Variants in DYNC2H1 observed in about 807,000 individuals in gnomAD.
DYNC2H1 encodes cytoplasmic dynein 2 heavy chain 1.
DYNC2H1 carries 410 observed loss-of-function variants against 570.0 expected under a neutral mutation model. That is an observed-to-expected ratio of 0.72 (90% CI 0.66 to 0.78). The LOEUF is 0.78. Among genes scored for constraint, DYNC2H1 ranks in the 30% least tolerant of loss-of-function variants. The pLI is 0.00. For missense variants in DYNC2H1, 4,865 were observed against 5,046.4 expected, an observed-to-expected ratio of 0.96 and a Z score of 1.09; for synonymous variants, 1,688 against 1,677.6, an observed-to-expected ratio of 1.01 and a Z score of -0.15.
rs113268045 is a variant in DYNC2H1, at chr11:103,471,101, C to T, written c.12765+2396C>T. Among the ~76,000 whole-genome samples the T allele has an allele frequency of 5.3e-3, 808 of 152,194 alleles. 9 individuals carry two copies. The highest frequency in any genetic ancestry group is 0.032 in the East Asian group (163 of 5,170). On this transcript the variant is annotated intron_variant, in intron 88 of 88. Transcript: ENST00000375735. ...TGTTGTTTCCTGACTTTTTAATGAT[C>T]GCCATTCTAACTGGTGTGAGATGGT... is the stretch of plus-strand genomic sequence containing the variant.
intron 59 of DYNC2H1, among the ~76,000 whole-genome samples, chr11:103,224,762 A>G (rs1294246484): frequency 6.6e-6 from 1 of 152,184 alleles, no homozygotes; most frequent in Non-Finnish European, 1.5e-5. Context: ...CTGGGTAGAT[A>G]CCTAGTAGTA....
chr11:103,114,333 A>G, intron 3 of DYNC2H1, 95 bp downstream of exon 3: 2 of 1,356,302 alleles, frequency 1.5e-6, no homozygotes, highest in Non-Finnish European at 1.9e-6. Flanking sequence ...TTCTTCAAAT[A>G]CTTTTGGAAT....
In DYNC2H1 at chr11:103,145,920, C is replaced by T. The variant is rs931138470; in HGVS notation, c.2703-1852C>T. 2.0e-5 allele frequency among the ~76,000 whole-genome samples: 3 copies of T among 152,186 alleles called. No homozygotes were observed. In the East Asian group the frequency reaches 5.8e-4, roughly 29 times the overall value. On this transcript the variant is annotated intron_variant, in intron 18 of 88. Transcript: ENST00000375735. The surrounding 1 kb of genome is among the most constrained non-coding windows in gnomAD (Gnocchi z 4.2). Reference sequence around the variant, plus strand: ...ACTCCGTAGTTAGTGAGTAAAACTTCTTTGCTGTAATTAGATCACTTTATG... The same window carrying T: ...ACTCCGTAGTTAGTGAGTAAAACTTTTTTGCTGTAATTAGATCACTTTATG...
chr11:103,321,298 T>C lies in DYNC2H1; in HGVS notation c.11934+61T>C. 2.2e-6 allele frequency: 3 copies of C among 1,395,210 alleles called. No individual in the cohort carries two copies. In the South Asian group the frequency reaches 3.7e-5, roughly 17 times the overall value. The allele number at this position is 1,395,210 out of a possible 1,614,324, so 86.4% of individuals were successfully genotyped here. On this transcript the variant is annotated intron_variant, in intron 81 of 88. Coordinates refer to ENST00000375735, the MANE Select transcript of DYNC2H1 (RefSeq NM_001377.3). ...GTAGATACGTGAATCATTTCTTACA[T>C]TGTTAAATACATGTTACTTCTTTTC...
chr11:103,438,233 A>G (rs899838581), intron 85 of DYNC2H1, among the ~76,000 whole-genome samples: 9 of 152,028 alleles, frequency 5.9e-5, no homozygotes, highest in Non-Finnish European at 1.3e-4. Context: ...ATAAATATAT[A>G]TAGATATCCA....
At chr11:103,358,491 A>T in intron 83 of DYNC2H1, 132 bp downstream of exon 83, 3 of 572,788 alleles carry the variant, frequency 5.2e-6, no homozygotes, top group South Asian at 2.7e-5. Context: ...ATGGCCCATG[A>T]CCTCCTTTCT....
intron 84 of DYNC2H1, among the ~76,000 whole-genome samples, chr11:103,429,724 G>A (rs1002614282): frequency 5.3e-5 from 8 of 152,118 alleles, no homozygotes; most frequent in South Asian, 2.1e-4. Context: ...AATTAATTGC[G>A]TAGAGTTGTA....
intron 17 of DYNC2H1, among the ~76,000 whole-genome samples, chr11:103,142,768 C>G (rs982166499): frequency 1.3e-5 from 2 of 152,298 alleles, no homozygotes; most frequent in African/African-American, 4.8e-5. Context: ...GAAATCAGGG[C>G]TATTTAACAG....
At chr11:103,179,488 C>A (rs1565371788) in intron 39 of DYNC2H1, among the ~76,000 whole-genome samples, 1 of 151,520 alleles carries the variant, frequency 6.6e-6, no homozygotes, top group East Asian at 1.9e-4. Context: ...AAAATTTGGT[C>A]TGTTTATTAT....
intron 36 of DYNC2H1, 90 bp downstream of exon 36, chr11:103,174,260 A>G: frequency 1.8e-6 from 2 of 1,105,282 alleles, no homozygotes; most frequent in Non-Finnish European, 2.6e-6. Flanking sequence ...AAAGTTGTAG[A>G]TACAATATTA....
intron 63 of DYNC2H1, among the ~76,000 whole-genome samples, chr11:103,238,328 G>T (rs1401389962): frequency 1.3e-5 from 2 of 152,092 alleles, no homozygotes; most frequent in Non-Finnish European, 2.9e-5. Flanking sequence ...CCAGCACTTT[G>T]GGAGGCAAGG....
At chr11:103,394,951 A>G (rs1942333632) in intron 83 of DYNC2H1, among the ~76,000 whole-genome samples, 1 of 151,996 alleles carries the variant, frequency 6.6e-6, no homozygotes, top group Non-Finnish European at 1.5e-5. Context: ...CACCAAACTC[A>G]AAATGCTGTT....
At chr11:103,154,916 A>T in intron 24 of DYNC2H1, 107 bp downstream of exon 24, 1 of 816,834 alleles carries the variant, frequency 1.2e-6, no homozygotes, top group Non-Finnish European at 1.8e-6. Flanking sequence ...CAATTAAATT[A>T]TTCCGTTTGA....
At chr11:103,409,607 G>A (rs1591705151) in intron 84 of DYNC2H1, 2 of 152,720 alleles carry the variant, frequency 1.3e-5, no homozygotes, top group African/African-American at 4.8e-5. Flanking sequence ...GATGTGGCTA[G>A]TATAAATAGA....
intron 13 of DYNC2H1, among the ~76,000 whole-genome samples, chr11:103,132,138 A>G (rs1439139947): frequency 6.6e-6 from 1 of 151,984 alleles, no homozygotes; most frequent in Non-Finnish European, 1.5e-5. Flanking sequence ...GCTAATATAT[A>G]TATATTAACT....
intron 3 of DYNC2H1, 53 bp from the exon 4 acceptor site, chr11:103,115,123 AT>A (rs910160477): frequency 1.7e-4 from 218 of 1,312,436 alleles, no homozygotes; most frequent in East Asian, 2.7e-4. Context: ...TTTTGTATTC[AT>A]TTTTTTTTCT....
At chr11:103,237,230 A>G (rs1443590780) in intron 63 of DYNC2H1, among the ~76,000 whole-genome samples, 3 of 151,986 alleles carry the variant, frequency 2.0e-5, no homozygotes, top group Admixed American at 1.3e-4. Context: ...TTCATAATAA[A>G]TATTAGTATT....
At chr11:103,453,209 C>T (rs1262907314) in intron 85 of DYNC2H1, among the ~76,000 whole-genome samples, 2 of 152,010 alleles carry the variant, frequency 1.3e-5, no homozygotes, top group Non-Finnish European at 2.9e-5. Flanking sequence ...TAGCCCATAA[C>T]TTAGAGTGAA....
chr11:103,241,555 C>G lies in DYNC2H1; in HGVS notation c.9820-2138C>G, dbSNP rs1213790982. On this transcript the variant is annotated intron_variant, in intron 63 of 88. Coordinates refer to ENST00000375735, the MANE Select transcript of DYNC2H1 (RefSeq NM_001377.3). This position sits in a 1 kb window ranked among gnomAD's most constrained non-coding sequence, Gnocchi z 5.1. ...ATTGGTTTGAAATCATGGGTAAGAA[C>G]TTTTTAAAAATTTAAAATAATTACT... 24 of 1,578,082 alleles carry G rather than the reference C, an allele frequency of 1.5e-5. No individual in the cohort carries two copies. Among genetic ancestry groups the G allele is most frequent in the Non-Finnish European group, 1.8e-5 (21 of 1,153,792 alleles).
Sources: gnomAD v4.1 joint callset for allele counts (sites outside exome capture counted in the v4.1 genomes callset) on GRCh38, gnomAD v4.1.1 for gene constraint, Gnocchi (gnomAD v3.1) non-coding constraint, MANE v1.5 for transcripts, NCBI Gene and HGNC (gene_info 2026-07-23, HGNC 2026-07-21) for gene names.